The following CSMD1 variants were observed in gnomAD, a reference collection of about 807,000 sequenced individuals.
CSMD1 encodes the protein CUB and Sushi multiple domains 1.
A neutral mutation model predicts 417.5 loss-of-function variants in CSMD1; 213 were observed. The ratio of observed to expected loss-of-function variants is 0.51; its 90% CI spans 0.46 to 0.57. CSMD1 has a LOEUF of 0.57. CSMD1 is among the 20% of genes least tolerant of loss of function. CSMD1 has a pLI of 0.00. For missense variants in CSMD1, 6,923 were observed against 4,529.7 expected, an observed-to-expected ratio of 1.53 and a Z score of -15.17; for synonymous variants, 2,862 against 1,736.8, an observed-to-expected ratio of 1.65 and a Z score of -16.11.
intron 3 of CSMD1, among the ~76,000 whole-genome samples, chr8:4,042,172 A>G (rs1797924805): frequency 1.3e-5 from 2 of 152,230 alleles, no homozygotes; most frequent in Admixed American, 1.3e-4. Flanking sequence ...ACTCATAAAT[A>G]CAAAAAGTTC....
chr8:4,149,752 G>T (rs1453413302), intron 3 of CSMD1, among the ~76,000 whole-genome samples: 1 of 152,210 alleles, frequency 6.6e-6, no homozygotes, highest in Non-Finnish European at 1.5e-5. Flanking sequence ...CAAGCATCCA[G>T]CCAGGCCTTG....
At chr8:3,076,752 T>C (rs1051028027) in intron 49 of CSMD1, among the ~76,000 whole-genome samples, 4 of 152,216 alleles carry the variant, frequency 2.6e-5, no homozygotes, top group Admixed American at 1.3e-4. Flanking sequence ...TAAATTCATA[T>C]TGATGACAAC....
At chr8:4,719,691 ATT>A (rs1808925639) in intron 1 of CSMD1, among the ~76,000 whole-genome samples, 3 of 152,280 alleles carry the variant, frequency 2.0e-5, no homozygotes, top group African/African-American at 7.2e-5. Context: ...AAGTAATTTG[ATT>A]TATGTATTTC....
Position 4,298,451 on chromosome 8 carries a change from C to G in CSMD1, c.415+121502G>C, listed in dbSNP as rs117493024. Among the ~76,000 whole-genome samples the G allele has an allele frequency of 1.4e-3, 218 of 152,178 alleles. 1 individual carries two copies. Among genetic ancestry groups the G allele is most frequent in the Middle Eastern group, 3.4e-3 (1 of 294 alleles). On this transcript the variant is annotated intron_variant, in intron 3 of 69. Coordinates refer to ENST00000635120, the MANE Select transcript of CSMD1 (RefSeq NM_033225.6). Reference sequence around the variant, plus strand: ...ACAAAGTTGTGAATAATTCCCTATACAGGAAATTACTTAGTGAGTACAATG... The same window carrying G: ...ACAAAGTTGTGAATAATTCCCTATAGAGGAAATTACTTAGTGAGTACAATG...
At chr8:3,717,605 A>T (rs1801914351) in intron 6 of CSMD1, among the ~76,000 whole-genome samples, 1 of 152,182 alleles carries the variant, frequency 6.6e-6, no homozygotes, top group Non-Finnish European at 1.5e-5. Flanking sequence ...TAACTGTGTA[A>T]ACCCATCACC....
At chr8:3,968,592 G>A (rs1423135101) in intron 5 of CSMD1, among the ~76,000 whole-genome samples, 1 of 152,092 alleles carries the variant, frequency 6.6e-6, no homozygotes, top group African/African-American at 2.4e-5. Flanking sequence ...TATTTCAGAT[G>A]GAATATTCGC....
intron 9 of CSMD1, among the ~76,000 whole-genome samples, chr8:3,577,999 G>A (rs536549426): frequency 6.6e-6 from 1 of 152,246 alleles, no homozygotes; most frequent in East Asian, 1.9e-4. Flanking sequence ...TGAACAGAGT[G>A]TCTGTTGTCC....
chr8:3,390,873 T>C (rs992513597), intron 17 of CSMD1, among the ~76,000 whole-genome samples: 2 of 152,086 alleles, frequency 1.3e-5, no homozygotes, highest in African/African-American at 4.8e-5. Context: ...ATGCCGAGCT[T>C]AGAGATGTCA....
intron 1 of CSMD1, among the ~76,000 whole-genome samples, chr8:4,742,090 G>C (rs1188815610): frequency 7.8e-6 from 1 of 127,780 alleles, no homozygotes; most frequent in African/African-American, 3.0e-5. Context: ...GAGTGCAGTG[G>C]CGCAATCTCG....
intron 12 of CSMD1, among the ~76,000 whole-genome samples, chr8:3,459,498 C>A (rs180718459): frequency 2.0e-5 from 3 of 152,226 alleles, no homozygotes; most frequent in Admixed American, 6.5e-5. Flanking sequence ...TCCACGCATG[C>A]GGCAGTCGGA....
At chr8:4,844,136 T>C (rs905899103) in intron 1 of CSMD1, among the ~76,000 whole-genome samples, 2 of 152,168 alleles carry the variant, frequency 1.3e-5, no homozygotes, top group African/African-American at 2.4e-5. Flanking sequence ...GATTTACAAA[T>C]CATATTTTTT....
In CSMD1 at chr8:4,409,687, A is replaced by G. The variant is rs535816111; in HGVS notation, c.415+10266T>C. Reference sequence around the variant, plus strand: ...TAACACATAAACCAGATAAAGAGACAAAGCACAGAGAAGGAGAAGGTGGAC... The same window carrying G: ...TAACACATAAACCAGATAAAGAGACGAAGCACAGAGAAGGAGAAGGTGGAC... On this transcript the variant is annotated intron_variant, in intron 3 of 69. Coordinates refer to ENST00000635120, the MANE Select transcript of CSMD1 (RefSeq NM_033225.6). Among the ~76,000 whole-genome samples, 3 of 151,118 alleles carry G rather than the reference A, an allele frequency of 2.0e-5. No individual in the cohort carries two copies. The South Asian group carries it at 6.3e-4, about 32-fold the overall frequency.
chr8:4,226,247 T>C (rs1172474251), intron 3 of CSMD1, among the ~76,000 whole-genome samples: 7 of 152,178 alleles, frequency 4.6e-5, no homozygotes, highest in Non-Finnish European at 5.9e-5. Context: ...AAAAGTAAAA[T>C]AGTGTATTAA....
At chr8:4,689,276 C>T (rs1026078664) in intron 1 of CSMD1, among the ~76,000 whole-genome samples, 1 of 152,130 alleles carries the variant, frequency 6.6e-6, no homozygotes, top group African/African-American at 2.4e-5. Context: ...TCACCAGCTC[C>T]CTAATTTTGG....
intron 3 of CSMD1, among the ~76,000 whole-genome samples, chr8:4,394,865 G>A (rs750064635): frequency 1.9e-4 from 29 of 151,996 alleles, no homozygotes; most frequent in Non-Finnish European, 2.5e-4. Flanking sequence ...TAGAGAGTCC[G>A]ATACAACCTT....
rs138850607 is a variant in CSMD1 at position 3,689,179 on chromosome 8, G to C, written c.1009+19235C>G. Among the ~76,000 whole-genome samples, 3 of 152,266 alleles carry C rather than the reference G, an allele frequency of 2.0e-5. No homozygotes were observed. In the East Asian group the frequency reaches 5.8e-4, roughly 29 times the overall value. ...CGCTCTAAGGTTGGGAACATGTCAT[G>C]ACTTTCAGGGAGCTGCACACAAGTT... On this transcript the variant is annotated intron_variant, in intron 7 of 69. Coordinates refer to ENST00000635120, the MANE Select transcript of CSMD1 (RefSeq NM_033225.6).
chr8:3,234,850 C>CACTGGTAAATGTAATTTACCAGCAATTT, intron 26 of CSMD1, among the ~76,000 whole-genome samples: 1 of 152,338 alleles, frequency 6.6e-6, no homozygotes, highest in South Asian at 2.1e-4. Context: ...CAGCATTTTA[C>CACTGGTAAATGTAATTTACCAGCAATTT]ACAAATTCTT....
intron 23 of CSMD1, among the ~76,000 whole-genome samples, chr8:3,334,436 G>C (rs568666189): frequency 2.0e-5 from 3 of 152,176 alleles, no homozygotes; most frequent in South Asian, 2.1e-4. Flanking sequence ...ATTTATAGTA[G>C]TATGTTTAAT....
At chr8:3,816,376 TTC>T (rs1801366151) in intron 5 of CSMD1, among the ~76,000 whole-genome samples, 1 of 152,212 alleles carries the variant, frequency 6.6e-6, no homozygotes. Context: ...GGAAAAGATA[TTC>T]TGAGAGCAAG....
Sources: gnomAD v4.1 joint callset for allele counts (sites outside exome capture counted in the v4.1 genomes callset) on GRCh38, gnomAD v4.1.1 for gene constraint, MANE v1.5 for transcripts, NCBI Gene and HGNC (gene_info 2026-07-23, HGNC 2026-07-21) for gene names.